Variants in LOXL2 observed in about 807,000 individuals in gnomAD.
The protein encoded by LOXL2 is lysyl oxidase homolog 2.
Under a neutral mutation model 93.0 loss-of-function variants are expected in LOXL2, and 70 were observed. That is an observed-to-expected ratio of 0.75 (90% CI 0.62 to 0.92). The LOEUF is 0.92. Among genes scored for constraint, LOXL2 ranks in the 40% least tolerant of loss-of-function variants. The pLI is 0.00. For synonymous variants in LOXL2, 438 were observed against 413.2 expected (o/e 1.06, Z -0.73); for missense variants, 973 against 1,054.9 (o/e 0.92, Z 1.08).
At chr8:23,394,548 G>A (rs1463717882) in intron 1 of LOXL2, among the ~76,000 whole-genome samples, 2 of 152,064 alleles carry the variant, frequency 1.3e-5, no homozygotes, top group Non-Finnish European at 2.9e-5. Context: ...AGTACCATGA[G>A]ATACCACTTC....
chr8:23,305,554 G>C (rs3779893), intron 10 of LOXL2, among the ~76,000 whole-genome samples: 107,285 of 147,852 alleles, frequency 0.73, 38,854 homozygotes, highest in South Asian at 0.86. Flanking sequence ...CCAGGAAATA[G>C]AGAGCAGGAC....
chr8:23,374,861 G>A (rs1804561804), intron 1 of LOXL2, among the ~76,000 whole-genome samples: 2 of 152,288 alleles, frequency 1.3e-5, no homozygotes, highest in South Asian at 4.1e-4. Context: ...TGTCAGATGA[G>A]TAGATTGCAA....
intron 9 of LOXL2, among the ~76,000 whole-genome samples, chr8:23,313,496 A>G (rs1444975387): frequency 6.6e-6 from 1 of 151,592 alleles, no homozygotes; most frequent in Non-Finnish European, 1.5e-5. Context: ...AACGCTGCAT[A>G]TCTACAACTA....
chr8:23,325,144 G>C (rs762981421), intron 6 of LOXL2, among the ~76,000 whole-genome samples: 1 of 152,152 alleles, frequency 6.6e-6, no homozygotes, highest in Non-Finnish European at 1.5e-5. Context: ...ATATGCAAAT[G>C]ATCTCATTAA....
chr8:23,343,683 G>T (rs549603519), intron 3 of LOXL2, among the ~76,000 whole-genome samples: 2 of 152,208 alleles, frequency 1.3e-5, no homozygotes, highest in African/African-American at 4.8e-5. Context: ...ACTTGGCTCC[G>T]TTTCCTTTCC....
intron 1 of LOXL2, among the ~76,000 whole-genome samples, chr8:23,391,224 T>A (rs926268100): frequency 1.3e-5 from 2 of 151,196 alleles, no homozygotes; most frequent in Non-Finnish European, 3.0e-5. Context: ...TATTACCCGA[T>A]CCCTACAACC....
rs1803083927 is a variant in LOXL2, at chr8:23,298,999, C to T, written c.2134-52G>A. On this transcript the variant is annotated intron_variant, in intron 12 of 13. Transcript: ENST00000389131. ...TGCTTGTTCCCTCTGCGGCCACCTC[C>T]ACCCAGGCCTGGGGCTCTGAGAGAC... The T allele has an allele frequency of 4.6e-6, 5 of 1,085,682 alleles. No homozygotes were observed. The South Asian group carries it at 5.0e-5, about 11-fold the overall frequency. The allele number at this position is 1,085,682 out of a possible 1,614,324, so 67.3% of individuals were successfully genotyped here.
At chr8:23,314,756 C>T (rs1217320528) in intron 9 of LOXL2, among the ~76,000 whole-genome samples, 1 of 150,596 alleles carries the variant, frequency 6.6e-6, no homozygotes, top group African/African-American at 2.5e-5. Context: ...AAATAACCTG[C>T]ACATTGTGCA....
At chr8:23,337,488 A>G (rs1260698584) in intron 4 of LOXL2, 1 of 152,116 alleles carries the variant, frequency 6.6e-6, no homozygotes, top group South Asian at 2.1e-4. Context: ...CAACCTCCCT[A>G]AGCTTTTGAA....
intron 10 of LOXL2, among the ~76,000 whole-genome samples, chr8:23,306,121 T>A (rs1246164883): frequency 6.6e-6 from 1 of 152,164 alleles, no homozygotes; most frequent in Non-Finnish European, 1.5e-5. Context: ...CAGAGCTCAG[T>A]GTTTTAAGAC....
intron 1 of LOXL2, among the ~76,000 whole-genome samples, chr8:23,383,425 A>G (rs1200298055): frequency 6.6e-6 from 1 of 152,172 alleles, no homozygotes; most frequent in Non-Finnish European, 1.5e-5. Flanking sequence ...CTTTGAACCT[A>G]GAACCTGATT....
chr8:23,372,670 T>A (rs570745636), intron 1 of LOXL2, among the ~76,000 whole-genome samples: 1 of 152,200 alleles, frequency 6.6e-6, no homozygotes, highest in Non-Finnish European at 1.5e-5. Context: ...AGGGACAGTT[T>A]ACGATAATGA....
chr8:23,336,180 C>T (rs1803788542), intron 4 of LOXL2: 1 of 152,504 alleles, frequency 6.6e-6, no homozygotes, highest in Non-Finnish European at 1.5e-5. Context: ...GAAAACCCCT[C>T]TGCTTCCAGC....
chr8:23,307,101 C>T (rs1272650010), intron 10 of LOXL2, among the ~76,000 whole-genome samples: 1 of 152,196 alleles, frequency 6.6e-6, no homozygotes, highest in East Asian at 1.9e-4. Context: ...TCAAGCCTGG[C>T]TCCAGATGGC....
chr8:23,379,964 G>A (rs546254169), intron 1 of LOXL2, among the ~76,000 whole-genome samples: 90 of 149,878 alleles, frequency 6.0e-4, no homozygotes, highest in Middle Eastern at 3.4e-3. Flanking sequence ...ACTGTCCTAC[G>A]AGCCCCAGTG....
intron 1 of LOXL2, among the ~76,000 whole-genome samples, chr8:23,383,343 G>A (rs1804706575): frequency 2.0e-5 from 3 of 150,974 alleles, no homozygotes; most frequent in African/African-American, 4.9e-5. Flanking sequence ...GTGTATGATG[G>A]TTAAATGAAA....
intron 10 of LOXL2, among the ~76,000 whole-genome samples, chr8:23,308,077 T>C (rs1457967436): frequency 6.6e-6 from 1 of 151,444 alleles, no homozygotes; most frequent in Admixed American, 6.6e-5. Context: ...CTGCAACTCC[T>C]AGCATTATCT....
intron 3 of LOXL2, among the ~76,000 whole-genome samples, chr8:23,350,333 C>T (rs147559163): frequency 6.6e-6 from 1 of 152,166 alleles, no homozygotes; most frequent in Non-Finnish European, 1.5e-5. Context: ...AATCTCAACA[C>T]TTTGGGAGGC....
In LOXL2 at chr8:23,303,401, G is replaced by C; in HGVS notation, c.1881-4C>G. On this transcript the variant is annotated splice_region_variant and splice_polypyrimidine_tract_variant and intron_variant, in intron 10 of 13. Coordinates refer to ENST00000389131, the MANE Select transcript of LOXL2 (RefSeq NM_002318.3). ...CACCTCCATGCTGTGGTAGTGCCTG[G>C]AGCGAGAGAGAGATGGCCTGGAGGT... 1 of 1,545,556 alleles carries C rather than the reference G, an allele frequency of 6.5e-7. No homozygotes were observed. The highest frequency in any genetic ancestry group is 1.4e-5 in the African/African-American group (1 of 73,726).
Sources: gnomAD v4.1 joint callset for allele counts (sites outside exome capture counted in the v4.1 genomes callset) on GRCh38, gnomAD v4.1.1 for gene constraint, MANE v1.5 for transcripts, NCBI Gene and HGNC (gene_info 2026-07-23, HGNC 2026-07-21) for gene names.